Variants in GORAB observed in about 807,000 individuals in gnomAD.
GORAB encodes RAB6-interacting golgin.
In GORAB, 17 loss-of-function variants were observed where a neutral mutation model predicts 29.9. The ratio of observed to expected loss-of-function variants is 0.57; its 90% CI spans 0.39 to 0.85. The LOEUF (loss-of-function observed/expected upper bound fraction) is 0.85. GORAB is among the 40% of genes least tolerant of loss of function. GORAB has a pLI of 0.00. For missense variants in GORAB, 442 were observed against 437.8 expected (o/e 1.01, Z -0.09); for synonymous variants, 183 against 157.2 (o/e 1.16, Z -1.23).
chr1:170,539,233 C>G lies in GORAB; in HGVS notation c.85C>G (p.Leu29Val). The part of the protein sequence containing the change: ...TKDPFEPQRR[L>V]PAKKSRQQLQ... ...AGATCCATTTGAACCACAGCGACGT[C>G]TCCCCGCGAAGAAAAGTCGACAACA... Residue 29 changes from leucine (L) to valine (V), a missense_variant, in exon 2 of 5, where the codon CTC (leucine) becomes GTC (valine). Coordinates refer to ENST00000367763, the MANE Select transcript of GORAB (RefSeq NM_152281.3). 8 of 1,614,132 alleles carry G rather than the reference C, an allele frequency of 5.0e-6. No homozygotes were observed. Among genetic ancestry groups the G allele is most frequent in the Non-Finnish European group, 6.8e-6 (8 of 1,180,000 alleles).
chr1:170,545,724 A>G (rs1241807875), intron 4 of GORAB: 4 of 985,026 alleles, frequency 4.1e-6, no homozygotes, highest in Non-Finnish European at 3.6e-6. Flanking sequence ...GAATGTTTAT[A>G]TAACAATTTA....
At chr1:170,543,079 A>G (rs1649534694) in intron 3 of GORAB, among the ~76,000 whole-genome samples, 2 of 152,280 alleles carry the variant, frequency 1.3e-5, no homozygotes, top group Middle Eastern at 3.4e-3. Context: ...AAGATACATG[A>G]TATAGTTTAA....
intron 1 of GORAB, chr1:170,533,510 G>A: frequency 2.2e-6 from 1 of 452,816 alleles, no homozygotes; most frequent in Non-Finnish European, 4.5e-6. Context: ...GACTCATGAG[G>A]AGACAAACCA....
chr1:170,538,923 A>T (rs1649218120), intron 1 of GORAB: 1 of 392,682 alleles, frequency 2.5e-6, no homozygotes, highest in African/African-American at 2.0e-5. Context: ...AATCAAGTTG[A>T]AAAAGAAACT....
At chr1:170,543,820 G>A (rs1204930741) in intron 3 of GORAB, among the ~76,000 whole-genome samples, 1 of 152,054 alleles carries the variant, frequency 6.6e-6, no homozygotes, top group African/African-American at 2.4e-5. Context: ...GAAATACAAC[G>A]TTTGAACTAT....
intron 1 of GORAB, among the ~76,000 whole-genome samples, chr1:170,537,754 G>T (rs1649151155): frequency 6.6e-6 from 1 of 152,092 alleles, no homozygotes; most frequent in African/African-American, 2.4e-5. Flanking sequence ...CTAATACAGA[G>T]TGTGGGAAGC....
intron 1 of GORAB, 31 bp downstream of exon 1, chr1:170,532,315 C>A (rs11578119): frequency 1.7e-5 from 27 of 1,611,612 alleles, no homozygotes; most frequent in Non-Finnish European, 2.1e-5. Context: ...TGGTTTAATT[C>A]TTGGGTCTTA....
At chr1:170,535,752 C>T (rs998084057) in intron 1 of GORAB, among the ~76,000 whole-genome samples, 1 of 151,818 alleles carries the variant, frequency 6.6e-6, no homozygotes, top group African/African-American at 2.4e-5. Context: ...GGGATAGGAT[C>T]TTGCTATTTT....
intron 1 of GORAB, among the ~76,000 whole-genome samples, chr1:170,532,977 TTTG>T (rs763501211): frequency 1.7e-4 from 26 of 152,294 alleles, no homozygotes; most frequent in East Asian, 1.3e-3. Context: ...GTACAATTTT[TTTG>T]TTGTTGTGGA....
chr1:170,550,426 T>G (rs1487603525), intron 4 of GORAB, among the ~76,000 whole-genome samples: 1 of 152,254 alleles, frequency 6.6e-6, no homozygotes, highest in Non-Finnish European at 1.5e-5. Flanking sequence ...GTGTCGCTTC[T>G]AAGCATTGAA....
intron 1 of GORAB, among the ~76,000 whole-genome samples, chr1:170,536,837 T>C (rs1649093115): frequency 6.6e-6 from 1 of 152,158 alleles, no homozygotes; most frequent in Non-Finnish European, 1.5e-5. Context: ...TTTTATAAAG[T>C]CAAACAACTA....
At chr1:170,540,623 C>T (rs900247539) in intron 2 of GORAB, among the ~76,000 whole-genome samples, 1 of 152,166 alleles carries the variant, frequency 6.6e-6, no homozygotes, top group Non-Finnish European at 1.5e-5. Context: ...ATTAAAGTGT[C>T]TCTAAGTGTA....
rs2101835913 is a variant in GORAB, at chr1:170,553,408, A to G, written c.*946A>G. 2.2e-6 allele frequency: 1 copy of G among 449,088 alleles called. No individual in the cohort carries two copies. Among genetic ancestry groups the G allele is most frequent in the Admixed American group, 2.4e-5 (1 of 41,882 alleles). The allele number at this position is 449,088 out of a possible 1,614,324, so 27.8% of individuals were successfully genotyped here. A position where few individuals can be genotyped will look rare whatever the true frequency, so the allele number is the denominator to read the frequency against. On this transcript the variant is annotated 3_prime_UTR_variant, in exon 5 of 5. Coordinates refer to ENST00000367763, the MANE Select transcript of GORAB (RefSeq NM_152281.3). ...GTACTTGACCAATACATTGTGCTAT[A>G]TGTAAATGTGTAAATAAATATTGTA...
chr1:170,545,346 C>T (rs1465821703), intron 4 of GORAB: 1 of 961,946 alleles, frequency 1.0e-6, no homozygotes, highest in Non-Finnish European at 1.2e-6. Context: ...TTAAGCATAT[C>T]CTCTGTCTTG....
intron 1 of GORAB, 194 bp downstream of exon 1, chr1:170,532,478 G>A (rs1322434878): frequency 3.3e-6 from 2 of 611,144 alleles, no homozygotes; most frequent in Non-Finnish European, 2.9e-6. Flanking sequence ...GCAAGCCAGA[G>A]GACTGGGATC....
rs983903641 is a variant in GORAB, at chr1:170,536,874, A to T, written c.62-2336A>T. Among the ~76,000 whole-genome samples the T allele has an allele frequency of 4.6e-5, 7 of 152,328 alleles. No individual in the cohort carries two copies. In the South Asian group the frequency reaches 8.3e-4, roughly 18 times the overall value. On this transcript the variant is annotated intron_variant, in intron 1 of 4. Coordinates refer to ENST00000367763, the MANE Select transcript of GORAB (RefSeq NM_152281.3). Reference sequence around the variant, plus strand: ...GTAAATACTTTTTAGAAATATTTGTAGATGCAATATGACTATTAGAGAAGG... The same window carrying T: ...GTAAATACTTTTTAGAAATATTTGTTGATGCAATATGACTATTAGAGAAGG...
rs762459069 is a variant in GORAB, at chr1:170,532,257, G to C, written c.34G>C (p.Glu12Gln). 1.9e-6 allele frequency: 3 copies of C among 1,614,040 alleles called. No homozygotes were observed. The change falls in exon 1 of 5, where the codon GAA becomes CAA. Residue 12 changes from glutamate to glutamine, a missense_variant. By Grantham distance (29) the Glu-to-Gln change is conservative. Transcript: ENST00000367763. ...AGGTTGGGCAGGATTCTCTGAGGAG[G>C]AACTGAGGAGACTAAAGCAGACTAA... Reference protein sequence around the residue: ...AQGWAGFSEEELRRLKQTKDP... With the variant: ...AQGWAGFSEEQLRRLKQTKDP...
At chr1:170,534,896 T>C (rs753934938) in intron 1 of GORAB, among the ~76,000 whole-genome samples, 20 of 152,150 alleles carry the variant, frequency 1.3e-4, no homozygotes, top group Non-Finnish European at 1.5e-4. Context: ...GGAGAGGGAA[T>C]TTCAGAGGTA....
chr1:170,546,788 G>A (rs571765980), intron 4 of GORAB, among the ~76,000 whole-genome samples: 19 of 152,108 alleles, frequency 1.2e-4, no homozygotes, highest in Middle Eastern at 3.4e-3. Flanking sequence ...AGATTCAAGC[G>A]ATCCTCCTGC....
Sources: allele counts gnomAD v4.1 joint callset (sites outside exome capture counted in the v4.1 genomes callset), GRCh38; gene constraint gnomAD v4.1.1; transcripts MANE v1.5; gene names NCBI Gene and HGNC (gene_info 2026-07-23, HGNC 2026-07-21).